ULK4: variants seen among roughly 807,000 people sequenced by gnomAD.
ULK4 encodes the protein unc-51 like kinase 4.
In ULK4, 133 loss-of-function variants were observed where a neutral mutation model predicts 160.6. That is an observed-to-expected ratio of 0.83 (90% CI 0.72 to 0.96). The LOEUF is 0.96. Among genes scored for constraint, ULK4 ranks in the 40% least tolerant of loss-of-function variants. ULK4 has a pLI of 0.00. For missense variants in ULK4, 1,580 were observed against 1,499.5 expected, an observed-to-expected ratio of 1.05 and a Z score of -0.89; for synonymous variants, 534 against 539.8, an observed-to-expected ratio of 0.99 and a Z score of 0.15.
At chr3:41,762,731 C>A (rs186513826) in intron 21 of ULK4, among the ~76,000 whole-genome samples, 1 of 138,068 alleles carries the variant, frequency 7.2e-6, no homozygotes, top group African/African-American at 2.8e-5. Flanking sequence ...GGCATGATAT[C>A]GGCTCACTGC....
chr3:41,375,528 C>CA lies in ULK4; in HGVS notation c.3678+22550dup, dbSNP rs60212467. Among the ~76,000 whole-genome samples, 377 of 150,182 alleles carry CA rather than the reference C, an allele frequency of 2.5e-3. 33 individuals carry two copies. Among genetic ancestry groups the CA allele is most frequent in the African/African-American group, 9.2e-3 (370 of 40,304 alleles). ...AAACCTGACAAAAACAAGCAATGGG[C>CA]AAACGATTCCCTATTTAATAAATGG... On this transcript the variant is annotated intron_variant, in intron 35 of 36. Transcript: ENST00000301831.
At chr3:41,550,523 G>A (rs1043947187) in intron 32 of ULK4, among the ~76,000 whole-genome samples, 9 of 151,818 alleles carry the variant, frequency 5.9e-5, no homozygotes, top group African/African-American at 2.2e-4. Context: ...AAACATTACA[G>A]TCAAAACACG....
chr3:41,657,818 T>TACAAAAAAAAAAAA (rs2034996246), intron 30 of ULK4, among the ~76,000 whole-genome samples: 1 of 99,760 alleles, frequency 1.0e-5, no homozygotes, highest in African/African-American at 6.7e-5. Context: ...TCCATCTCAT[T>TACAAAAAAAAAAAA]AAAAAAAAAA....
chr3:41,487,533 G>A (rs915379118), intron 32 of ULK4, among the ~76,000 whole-genome samples: 56 of 152,120 alleles, frequency 3.7e-4, no homozygotes, highest in African/African-American at 1.3e-3. Flanking sequence ...GAGTCTAGAC[G>A]TAGATAATAG....
rs540468062 is a variant in ULK4, at chr3:41,358,168, G to A, written c.3678+39911C>T. 2.6e-5 allele frequency among the ~76,000 whole-genome samples: 4 copies of A among 152,314 alleles called. No individual in the cohort carries two copies. The South Asian group carries it at 8.3e-4, about 32-fold the overall frequency. ...AGGGCAAACACACCACAATGGAGTG[G>A]GCTCCGCAGAACAGATTGTGGCTCA... On this transcript the variant is annotated intron_variant, in intron 35 of 36. Transcript: ENST00000301831.
At chr3:41,933,331 C>A (rs1252778770) in intron 4 of ULK4, among the ~76,000 whole-genome samples, 2 of 152,164 alleles carry the variant, frequency 1.3e-5, no homozygotes, top group South Asian at 2.1e-4. Flanking sequence ...TGGTAAAGAG[C>A]CAGCTAGTAA....
intron 29 of ULK4, among the ~76,000 whole-genome samples, chr3:41,674,647 C>A (rs1484756826): frequency 1.3e-5 from 2 of 152,138 alleles, no homozygotes; most frequent in Non-Finnish European, 2.9e-5. Flanking sequence ...CAAACAAGAA[C>A]CACAAGATAA....
At chr3:41,896,722 G>GT (rs1698171562) in intron 15 of ULK4, 100 bp downstream of exon 15, 7 of 1,342,092 alleles carry the variant, frequency 5.2e-6, no homozygotes, top group Non-Finnish European at 7.0e-6. Flanking sequence ...TGATAAATCA[G>GT]TTTTTTTGTG....
intron 30 of ULK4, among the ~76,000 whole-genome samples, chr3:41,633,204 T>C (rs2033819080): frequency 6.6e-6 from 1 of 152,212 alleles, no homozygotes; most frequent in South Asian, 2.1e-4. Flanking sequence ...GCTGGCAAAC[T>C]ACAGCCCACA....
intron 34 of ULK4, among the ~76,000 whole-genome samples, chr3:41,435,905 G>A (rs931727736): frequency 1.2e-4 from 18 of 152,052 alleles, no homozygotes; most frequent in Admixed American, 8.5e-4. Context: ...CAAAGATTGC[G>A]CCATTGTACT....
At chr3:41,536,377 C>A (rs1214299100) in intron 32 of ULK4, among the ~76,000 whole-genome samples, 1 of 151,936 alleles carries the variant, frequency 6.6e-6, no homozygotes, top group Non-Finnish European at 1.5e-5. Flanking sequence ...CAAACATTTT[C>A]TTAAAACGCA....
chr3:41,807,412 C>G (rs1297993461), intron 19 of ULK4, among the ~76,000 whole-genome samples: 1 of 151,848 alleles, frequency 6.6e-6, no homozygotes, highest in Non-Finnish European at 1.5e-5. Context: ...TTTTTCAATC[C>G]AAATTTATGT....
At chr3:41,748,955 C>A (rs1364905438) in intron 22 of ULK4, among the ~76,000 whole-genome samples, 1 of 152,178 alleles carries the variant, frequency 6.6e-6, no homozygotes, top group Non-Finnish European at 1.5e-5. Context: ...TGCTAAAGAT[C>A]CCCCTGCCCC....
At chr3:41,600,544 T>C (rs1487026905) in intron 31 of ULK4, among the ~76,000 whole-genome samples, 1 of 152,184 alleles carries the variant, frequency 6.6e-6, no homozygotes, top group East Asian at 1.9e-4. Context: ...GAAAGCAACA[T>C]GGCAAGTATG....
intron 29 of ULK4, among the ~76,000 whole-genome samples, chr3:41,665,490 A>G (rs2125766160): frequency 6.6e-6 from 1 of 152,338 alleles, no homozygotes; most frequent in Non-Finnish European, 1.5e-5. Flanking sequence ...GAGTCAAGAC[A>G]ATGTTAAGTG....
intron 35 of ULK4, among the ~76,000 whole-genome samples, chr3:41,332,495 A>G (rs181638995): frequency 1.3e-5 from 2 of 152,322 alleles, no homozygotes; most frequent in East Asian, 3.9e-4. Context: ...TAACTGCTCA[A>G]CGGGTTAAGT....
intron 11 of ULK4, among the ~76,000 whole-genome samples, chr3:41,909,205 G>A (rs764507355): frequency 1.3e-5 from 2 of 151,866 alleles, no homozygotes; most frequent in African/African-American, 2.4e-5. Context: ...AGGTTGCAGT[G>A]AGCAAAGACC....
intron 34 of ULK4, among the ~76,000 whole-genome samples, chr3:41,449,161 G>C (rs2083370497): frequency 6.6e-6 from 1 of 151,924 alleles, no homozygotes; most frequent in Non-Finnish European, 1.5e-5. Context: ...CAAGTGATCT[G>C]CCCACCTCAG....
chr3:41,865,533 G>C (rs1003643337), intron 17 of ULK4, among the ~76,000 whole-genome samples: 7 of 151,932 alleles, frequency 4.6e-5, no homozygotes, highest in African/African-American at 1.7e-4. Flanking sequence ...CAACTTTCTG[G>C]AGTTTCTACT....
Sources: gnomAD v4.1 joint callset for allele counts (sites outside exome capture counted in the v4.1 genomes callset) on GRCh38, gnomAD v4.1.1 for gene constraint, MANE v1.5 for transcripts, NCBI Gene and HGNC (gene_info 2026-07-23, HGNC 2026-07-21) for gene names.